Variants in IGBP1 observed in about 807,000 individuals in gnomAD.
IGBP1 encodes immunoglobulin-binding protein 1.
IGBP1 carries 2 observed loss-of-function variants against 25.9 expected under a neutral mutation model. The observed-to-expected ratio is 0.08, with a 90% CI of 0.03 to 0.24. IGBP1 has a LOEUF of 0.24. Ranked by LOEUF, IGBP1 falls within the 10% of genes least tolerant of loss-of-function variation. The pLI is 1.00. For missense variants in IGBP1, 187 were observed against 260.4 expected (o/e 0.72, Z 1.94); for synonymous variants, 96 against 93.4 (o/e 1.03, Z -0.16).
intron 6 of IGBP1, among the ~76,000 whole-genome samples, chrX:70,158,849 T>TA (rs937769573): frequency 1.1e-4 from 12 of 110,535 alleles, no homozygotes; most frequent in African/African-American, 3.3e-5. Flanking sequence ...TCTCAAAAAA[T>TA]AAAAAAACAA....
chrX:70,155,494 C>CA (rs57946963), intron 6 of IGBP1, among the ~76,000 whole-genome samples: 7,120 of 36,047 alleles, frequency 0.2, 1,131 homozygotes, highest in African/African-American at 0.45. Context: ...GACTCTGTCT[C>CA]AAAAAAAAAA....
rs1173602023 is a variant in IGBP1 at position 70,133,923 on chromosome X, T to G, written c.-25T>G. ...GTTGCCTTTGACCCCGGAAAAGAGA[T>G]CTTCCGGGTTCCTCTCTCCCCAAGA... On this transcript the variant is annotated 5_prime_UTR_variant, in exon 2 of 7. Transcript: ENST00000356413. 1.7e-6 allele frequency: 2 copies of G among 1,200,230 alleles called. No homozygotes were observed. Among genetic ancestry groups the G allele is most frequent in the Non-Finnish European group, 2.3e-6 (2 of 886,442 alleles).
chrX:70,161,508 A>C (rs1047088004), intron 6 of IGBP1, among the ~76,000 whole-genome samples: 1 of 111,500 alleles, frequency 9.0e-6, no homozygotes, highest in African/African-American at 3.3e-5. Flanking sequence ...ATGATAGTCA[A>C]CGTATGATGG....
At chrX:70,151,417 CCTT>C (rs1333456751) in intron 6 of IGBP1, among the ~76,000 whole-genome samples, 3 of 110,413 alleles carry the variant, frequency 2.7e-5, no homozygotes, top group East Asian at 2.9e-4. Context: ...CTCAAGCAAT[CCTT>C]CTGCCTCAGC....
At chrX:70,160,379 A>T (rs1175585509) in intron 6 of IGBP1, among the ~76,000 whole-genome samples, 2 of 112,363 alleles carry the variant, frequency 1.8e-5, no homozygotes, top group Non-Finnish European at 3.8e-5. Flanking sequence ...TTTATAAAGG[A>T]AAGCAACTTA....
chrX:70,156,909 C>T (rs1342628309), intron 6 of IGBP1, among the ~76,000 whole-genome samples: 1 of 111,724 alleles, frequency 9.0e-6, no homozygotes, highest in Non-Finnish European at 1.9e-5. Context: ...CATTGCACTC[C>T]AGCCTGGGCA....
chrX:70,151,203 G>A (rs1401021467), intron 6 of IGBP1, among the ~76,000 whole-genome samples: 3 of 110,955 alleles, frequency 2.7e-5, no homozygotes, highest in East Asian at 2.9e-4. Flanking sequence ...TCAGGTGATC[G>A]GCCCACCTCG....
At chrX:70,164,877 A>C (rs988678453) in intron 6 of IGBP1, 1 of 112,016 alleles carries the variant, frequency 8.9e-6, no homozygotes. Flanking sequence ...TGGGCAACAT[A>C]GGGGAAGACC....
chrX:70,137,751 CAAAAAAAAAAAA>C (rs752550128), intron 3 of IGBP1, among the ~76,000 whole-genome samples: 1 of 21,735 alleles, frequency 4.6e-5, no homozygotes, highest in African/African-American at 1.5e-4. Flanking sequence ...AATAATTATA[CAAAAAAAAAAAA>C]AAAAAAAAAC....
intron 3 of IGBP1, among the ~76,000 whole-genome samples, chrX:70,141,747 A>G (rs914705938): frequency 7.2e-5 from 8 of 111,322 alleles, no homozygotes; most frequent in African/African-American, 2.6e-4. Context: ...TCCAATTTCT[A>G]CCACTTAATA....
intron 2 of IGBP1, 126 bp from the exon 3 acceptor site, chrX:70,134,397 C>T (rs2147563468): frequency 1.4e-6 from 1 of 723,543 alleles, no homozygotes; most frequent in Non-Finnish European, 2.1e-6. Flanking sequence ...TGAAACTGGC[C>T]GCTGTTCCCC....
chrX:70,163,450 G>A (rs142438958), intron 6 of IGBP1, among the ~76,000 whole-genome samples: 2,180 of 111,614 alleles, frequency 0.02, 59 homozygotes, highest in African/African-American at 0.068. Flanking sequence ...TAAAGGGAAA[G>A]AGTCAAGTAT....
At chrX:70,137,697 T>C (rs1455973693) in intron 3 of IGBP1, among the ~76,000 whole-genome samples, 6 of 100,369 alleles carry the variant, frequency 6.0e-5, no homozygotes, top group Non-Finnish European at 9.9e-5. Context: ...GAGGGCGGCC[T>C]GTCAGCAGAT....
At chrX:70,136,727 T>TATTATTATTATTATTATA (rs751626880) in intron 3 of IGBP1, among the ~76,000 whole-genome samples, 8 of 107,671 alleles carry the variant, frequency 7.4e-5, no homozygotes, top group African/African-American at 2.8e-4. Context: ...TTATTATTAT[T>TATTATTATTATTATTATA]ATACAGAGTT....
At chrX:70,161,791 T>C (rs2085272142) in intron 6 of IGBP1, among the ~76,000 whole-genome samples, 2 of 111,370 alleles carry the variant, frequency 1.8e-5, no homozygotes, top group African/African-American at 6.5e-5. Flanking sequence ...CTCAGGGCTC[T>C]CTGTACTAGA....
chrX:70,141,177 G>A (rs1409704233), intron 3 of IGBP1, among the ~76,000 whole-genome samples: 1 of 109,885 alleles, frequency 9.1e-6, no homozygotes, highest in Non-Finnish European at 1.9e-5. Context: ...AACCCCGTCT[G>A]TACTAAAAAT....
chrX:70,158,859 AAAAG>A (rs2085256011), intron 6 of IGBP1, among the ~76,000 whole-genome samples: 1 of 111,736 alleles, frequency 8.9e-6, no homozygotes, highest in Non-Finnish European at 1.9e-5. Context: ...TAAAAAAACA[AAAAG>A]AAACACTGAA....
chrX:70,154,736 A>AAAAAAAAAAG (rs2085228044), intron 6 of IGBP1, among the ~76,000 whole-genome samples: 2 of 98,990 alleles, frequency 2.0e-5, no homozygotes, highest in Non-Finnish European at 4.0e-5. Context: ...AAAAAAAAAA[A>AAAAAAAAAAG]GTTTTAAAAA....
chrX:70,141,838 T>G (rs1193116921), intron 3 of IGBP1, among the ~76,000 whole-genome samples: 1 of 111,244 alleles, frequency 9.0e-6, no homozygotes, highest in Non-Finnish European at 1.9e-5. Flanking sequence ...CAAAGCACTC[T>G]GATGTGTGTT....
Sources: allele counts gnomAD v4.1 joint callset (sites outside exome capture counted in the v4.1 genomes callset), GRCh38; gene constraint gnomAD v4.1.1; transcripts MANE v1.5; gene names NCBI Gene and HGNC (gene_info 2026-07-23, HGNC 2026-07-21).